Variants in NTM observed in about 807,000 individuals in gnomAD.
NTM encodes neurotrimin.
Under a neutral mutation model 42.1 loss-of-function variants are expected in NTM, and 13 were observed. That is an observed-to-expected ratio of 0.31 (90% confidence interval 0.20 to 0.49). NTM has a LOEUF of 0.49. Among genes scored for constraint, NTM ranks in the 20% least tolerant of loss-of-function variants. The pLI is 0.99. For missense variants in NTM, 373 were observed against 452.8 expected (o/e 0.82, Z 1.60); for synonymous variants, 187 against 179.2 (o/e 1.04, Z -0.35).
chr11:132,070,697 C>G lies in NTM; in HGVS notation c.168-75585C>G, dbSNP rs532763197. Among the ~76,000 whole-genome samples, 433 of 143,516 alleles carry G rather than the reference C, an allele frequency of 3.0e-3. 6 individuals carry two copies. Among genetic ancestry groups the G allele is most frequent in the African/African-American group, 0.01 (393 of 38,608 alleles). 94.2% of individuals were successfully genotyped at this position (143,516 alleles called of 152,430 possible). A position where few individuals can be genotyped will look rare whatever the true frequency, so the allele number is the denominator to read the frequency against. On this transcript the variant is annotated intron_variant, in intron 2 of 8. Coordinates refer to ENST00000683400, the MANE Select transcript of NTM (RefSeq NM_001352005.2). The stretch of plus-strand genomic sequence containing the variant: ...CAGCCAAGTTAACACGTCAAACTGA[C>G]CATCACAGGTTAGTTAACACGTCAC...
chr11:132,065,454 C>A (rs2081297385), intron 2 of NTM, among the ~76,000 whole-genome samples: 1 of 152,170 alleles, frequency 6.6e-6, no homozygotes, highest in Non-Finnish European at 1.5e-5. Flanking sequence ...GCACCAGATT[C>A]CACACTGTCT....
intron 1 of NTM, among the ~76,000 whole-genome samples, chr11:131,789,538 AGAAGAAGAAAAGAAG>A (rs2090229298): frequency 1.0e-4 from 3 of 29,062 alleles, no homozygotes; most frequent in African/African-American, 2.0e-4. Flanking sequence ...AAGAAGAAGA[AGAAGAAGAAAAGAAG>A]AAGAAGAAGA....
intron 1 of NTM, among the ~76,000 whole-genome samples, chr11:131,799,191 A>G (rs961209810): frequency 6.6e-6 from 1 of 152,186 alleles, no homozygotes; most frequent in African/African-American, 2.4e-5. Flanking sequence ...ATGGCCATAC[A>G]TACTATATCC....
At chr11:131,494,221 C>G (rs901465765) in intron 1 of NTM, among the ~76,000 whole-genome samples, 15 of 152,250 alleles carry the variant, frequency 9.9e-5, no homozygotes, top group African/African-American at 3.4e-4. Context: ...AAACTTTGAG[C>G]TCCTACAATG....
At chr11:131,461,380 G>A (rs10160388) in intron 1 of NTM, among the ~76,000 whole-genome samples, 2 of 151,922 alleles carry the variant, frequency 1.3e-5, no homozygotes, top group Non-Finnish European at 2.9e-5. Context: ...GATACCTACC[G>A]ATATTTAACA....
chr11:132,237,256 C>T (rs937184821), intron 4 of NTM, among the ~76,000 whole-genome samples: 2 of 152,148 alleles, frequency 1.3e-5, no homozygotes, highest in African/African-American at 4.8e-5. Context: ...CTTCTCTGTC[C>T]CTCTGCACTT....
chr11:131,798,391 C>T (rs1189942132), intron 1 of NTM, among the ~76,000 whole-genome samples: 1 of 152,154 alleles, frequency 6.6e-6, no homozygotes, highest in Admixed American at 6.5e-5. Context: ...CCTCCAAATG[C>T]CTTATGCATC....
At chr11:131,575,117 C>G (rs925267664) in intron 1 of NTM, among the ~76,000 whole-genome samples, 1 of 152,144 alleles carries the variant, frequency 6.6e-6, no homozygotes, top group Non-Finnish European at 1.5e-5. Context: ...GATAAAGGCT[C>G]CATAATTCGC....
At chr11:131,528,531 T>C (rs2050809209) in intron 1 of NTM, among the ~76,000 whole-genome samples, 1 of 152,196 alleles carries the variant, frequency 6.6e-6, no homozygotes, top group Non-Finnish European at 1.5e-5. Flanking sequence ...CAATATGCAA[T>C]ACAGTCTTCC....
intron 1 of NTM, among the ~76,000 whole-genome samples, chr11:131,699,823 C>T (rs1032866466): frequency 6.6e-6 from 1 of 152,048 alleles, no homozygotes; most frequent in African/African-American, 2.4e-5. Context: ...AGGTCCCTCC[C>T]ACTACACCTG....
At chr11:132,245,917 G>C (rs543407226) in intron 4 of NTM, among the ~76,000 whole-genome samples, 1 of 152,146 alleles carries the variant, frequency 6.6e-6, no homozygotes, top group African/African-American at 2.4e-5. Flanking sequence ...TAGAAAGCCC[G>C]CAGGATTTGA....
intron 2 of NTM, among the ~76,000 whole-genome samples, chr11:131,994,114 C>G (rs1310771650): frequency 6.6e-6 from 1 of 151,808 alleles, no homozygotes; most frequent in South Asian, 2.1e-4. Context: ...TTAAAGAAGA[C>G]AGTATTAGCC....
Position 132,219,849 on chromosome 11 carries a change from G to A in NTM, c.526+7702G>A, listed in dbSNP as rs534114413. 1.1e-4 allele frequency among the ~76,000 whole-genome samples: 17 copies of A among 152,240 alleles called. No homozygotes were observed. In the South Asian group the frequency reaches 3.1e-3, roughly 28 times the overall value. ...TCACTCCCACCCGTGAGAAAAGAAC[G>A]GAAGGGAAGGAAACTCAAGTTATTT... On this transcript the variant is annotated intron_variant, in intron 4 of 8. Coordinates refer to ENST00000683400, the MANE Select transcript of NTM (RefSeq NM_001352005.2).
intron 3 of NTM, among the ~76,000 whole-genome samples, chr11:132,193,576 TAAC>T (rs1272033668): frequency 1.3e-5 from 2 of 151,900 alleles, no homozygotes; most frequent in Non-Finnish European, 2.9e-5. Flanking sequence ...GATCTCAAAT[TAAC>T]AACCAAATGT....
intron 1 of NTM, among the ~76,000 whole-genome samples, chr11:131,458,356 A>T (rs899653664): frequency 7.9e-5 from 12 of 152,190 alleles, no homozygotes; most frequent in Admixed American, 7.9e-4. Context: ...AGACACACAG[A>T]TGTGCACATT....
chr11:132,325,024 A>G (rs1030690913), intron 7 of NTM, among the ~76,000 whole-genome samples: 4 of 151,684 alleles, frequency 2.6e-5, no homozygotes, highest in African/African-American at 9.7e-5. Flanking sequence ...TCAATTCAAG[A>G]TGGATTAAAG....
chr11:131,588,895 T>G (rs565668663), intron 1 of NTM, among the ~76,000 whole-genome samples: 6 of 152,264 alleles, frequency 3.9e-5, no homozygotes, highest in African/African-American at 1.4e-4. Flanking sequence ...TGTGCTGTGA[T>G]TTGGGTTTTG....
chr11:132,327,489 A>G (rs1044397992), intron 7 of NTM, among the ~76,000 whole-genome samples: 1 of 152,212 alleles, frequency 6.6e-6, no homozygotes, highest in African/African-American at 2.4e-5. Flanking sequence ...GTGGTTAAGC[A>G]TTTCTATGGT....
At chr11:131,526,665 A>G (rs1269096156) in intron 1 of NTM, among the ~76,000 whole-genome samples, 1 of 152,164 alleles carries the variant, frequency 6.6e-6, no homozygotes, top group Non-Finnish European at 1.5e-5. Flanking sequence ...TTTTTAATTA[A>G]CAGGTGAGCT....
Sources: allele counts gnomAD v4.1 joint callset (sites outside exome capture counted in the v4.1 genomes callset), GRCh38; gene constraint gnomAD v4.1.1; transcripts MANE v1.5; gene names NCBI Gene and HGNC (gene_info 2026-07-23, HGNC 2026-07-21).